ZNF112: variants seen among roughly 807,000 people sequenced by gnomAD.
The protein encoded by ZNF112 is zinc finger protein 112.
ZNF112 carries 37 observed loss-of-function variants against 77.7 expected under a neutral mutation model. The ratio of observed to expected loss-of-function variants is 0.48; its 90% confidence interval spans 0.37 to 0.63. ZNF112 has a LOEUF of 0.63. Among genes scored for constraint, ZNF112 ranks in the 20% least tolerant of loss-of-function variants. The probability of loss-of-function intolerance (pLI) is 0.00; values close to 1 mark genes in which losing one functional copy is unlikely to be tolerated. For synonymous variants in ZNF112, 333 were observed against 363.6 expected (o/e 0.92, Z 0.96); for missense variants, 950 against 1,077.4 (o/e 0.88, Z 1.66).
intron 1 of ZNF112, among the ~76,000 whole-genome samples, chr19:44,351,007 A>G (rs766576837): frequency 1.2e-4 from 19 of 152,096 alleles, no homozygotes; most frequent in Non-Finnish European, 2.8e-4. Flanking sequence ...TCAGAAGTCT[A>G]AAATCAGTTT....
At chr19:44,336,554 G>A in intron 3 of ZNF112, 69 bp downstream of exon 3, 1 of 1,307,514 alleles carries the variant, frequency 7.6e-7, no homozygotes, top group Admixed American at 1.7e-5. Flanking sequence ...AAACAGAGAA[G>A]TGATGTGTTC....
intron 3 of ZNF112, among the ~76,000 whole-genome samples, chr19:44,332,959 T>C (rs551802127): frequency 9.9e-5 from 15 of 152,242 alleles, no homozygotes; most frequent in Non-Finnish European, 1.9e-4. Flanking sequence ...TTAAGTTCTA[T>C]TTCAATATCA....
At chr19:44,338,283 G>T (rs2571102) in intron 2 of ZNF112, among the ~76,000 whole-genome samples, 111,880 of 152,060 alleles carry the variant, frequency 0.74, 41,541 homozygotes, top group African/African-American at 0.83. Flanking sequence ...CTGCTAAATG[G>T]GAAGGAGGTA....
chr19:44,327,448 ATCT>A lies in ZNF112; in HGVS notation c.2706_2708del (p.Glu902del). On this transcript the variant is annotated inframe_deletion, in exon 4 of 4. Transcript: ENST00000354340. ...TTTGAGGACTTCAAAACAAAACAGA[ATCT>A]TCATTTCTGTGTAGATTCTCTGATG... 2 of 1,595,590 alleles carry A rather than the reference ATCT, an allele frequency of 1.3e-6. No individual in the cohort carries two copies. The highest frequency in any genetic ancestry group is 1.7e-6 in the Non-Finnish European group (2 of 1,170,372).
chr19:44,329,236 A>C lies in ZNF112; in HGVS notation c.921T>G (p.Ile307Met), dbSNP rs143275482. Residue 307 changes from isoleucine to methionine, a missense_variant, in exon 4 of 4, where the codon ATT becomes ATG. By Grantham distance (10) the Ile-to-Met change is conservative. Around this residue, in one of 3 missense-constraint regions of ZNF112, gnomAD observed 560 missense variants for 557.3 expected, o/e 1.00. Coordinates refer to ENST00000354340, the MANE Select transcript of ZNF112 (RefSeq NM_013380.4). Reference sequence around the variant, plus strand: ...GATAGGATTTCAGATGTGAATTCTCAATATCATCTTCTCTCTCAATATTTT... The same window carrying C: ...GATAGGATTTCAGATGTGAATTCTCCATATCATCTTCTCTCTCAATATTTT... ...IHQNIEREDD[I>M]ENSHLKSYQR... 2 of 1,613,712 alleles carry C rather than the reference A, an allele frequency of 1.2e-6. No homozygotes were observed. Among genetic ancestry groups the C allele is most frequent in the South Asian group, 2.2e-5 (2 of 91,072 alleles).
intron 1 of ZNF112, among the ~76,000 whole-genome samples, chr19:44,341,743 T>G (rs1970494208): frequency 6.6e-6 from 1 of 152,236 alleles, no homozygotes; most frequent in Admixed American, 6.5e-5. Flanking sequence ...CCATGGACAT[T>G]GTAAATATTT....
At chr19:44,330,225 T>G (rs1970245508) in intron 3 of ZNF112, among the ~76,000 whole-genome samples, 1 of 152,188 alleles carries the variant, frequency 6.6e-6, no homozygotes, top group African/African-American at 2.4e-5. Context: ...GATTTCTGAT[T>G]AGGGATGCTC....
At position 44,328,339 on chromosome 19, in the gene ZNF112, C is replaced by T; in HGVS notation, c.1818G>A (p.Glu606=). 1.9e-6 allele frequency: 3 copies of T among 1,613,870 alleles called. No homozygotes were observed. Among genetic ancestry groups the T allele is most frequent in the Non-Finnish European group, 1.7e-6 (2 of 1,179,962 alleles). ...TCCGACTGAAGCCCTTCCCACACTC[C>T]TCACACTTGTATGGTTTTTCTCCAG... ...VHTGEKPYKC[E]ECGKGFSRSS... The change falls in exon 4 of 4, where the codon GAG becomes GAA. Residue 606 remains glutamate, a synonymous_variant. Transcript: ENST00000354340.
chr19:44,350,954 G>T (rs1379774531), intron 1 of ZNF112, among the ~76,000 whole-genome samples: 1 of 152,032 alleles, frequency 6.6e-6, no homozygotes, highest in Non-Finnish European at 1.5e-5. Context: ...CACAAACTTG[G>T]TGGCTTAAAA....
At chr19:44,335,081 G>C (rs1017821417) in intron 3 of ZNF112, among the ~76,000 whole-genome samples, 2 of 152,236 alleles carry the variant, frequency 1.3e-5, no homozygotes, top group African/African-American at 4.8e-5. Flanking sequence ...ATACCCTGCA[G>C]AGCCACAGAG....
Position 44,327,441 on chromosome 19 carries a change from A to G in ZNF112, c.2716T>C (p.Leu906=). ...ENLHRNEDSV[L]F is the part of the protein sequence containing the mutation. ...GCTCCCATTTGAGGACTTCAAAACAAAACAGAATCTTCATTTCTGTGTAGA... is the reference window on the plus strand; with the variant it reads ...GCTCCCATTTGAGGACTTCAAAACAGAACAGAATCTTCATTTCTGTGTAGA... The change falls in exon 4 of 4, where the codon TTG becomes CTG. Residue 906 remains leucine (L), a synonymous_variant. Transcript: ENST00000354340. The G allele has an allele frequency of 1.3e-6, 2 of 1,592,962 alleles. No individual in the cohort carries two copies. The highest frequency in any genetic ancestry group is 1.7e-6 in the Non-Finnish European group (2 of 1,169,248).
chr19:44,339,388 C>A (rs1330979117), intron 2 of ZNF112, among the ~76,000 whole-genome samples: 1 of 152,194 alleles, frequency 6.6e-6, no homozygotes. Flanking sequence ...GTGGTATTAG[C>A]TTAACCTCTG....
chr19:44,328,730 T>C lies in ZNF112; in HGVS notation c.1427A>G (p.His476Arg), dbSNP rs544240140. 16 of 1,614,058 alleles carry C rather than the reference T, an allele frequency of 9.9e-6. No individual in the cohort carries two copies. The highest frequency in any genetic ancestry group is 1.7e-4 in the Middle Eastern group (1 of 6,058). Residue 476 changes from histidine to arginine, a missense_variant, in exon 4 of 4, where the codon CAT (histidine) becomes CGT (arginine). Transcript: ENST00000354340. ...TGGATGACCTTGAAGATATAAATTA[T>C]GGCTGAAGCTGTTACTACACACATA... ...KRYVCSNSFS[H>R]NLYLQGHPKI... is the part of the protein sequence containing the mutation.
At chr19:44,339,520 G>T (rs1444281737) in intron 2 of ZNF112, among the ~76,000 whole-genome samples, 1 of 152,228 alleles carries the variant, frequency 6.6e-6, no homozygotes, top group Non-Finnish European at 1.5e-5. Flanking sequence ...TGCTCCTTAC[G>T]TATTGTCATA....
intron 3 of ZNF112, among the ~76,000 whole-genome samples, chr19:44,330,252 G>T (rs543240021): frequency 1.3e-5 from 2 of 152,264 alleles, no homozygotes; most frequent in Admixed American, 6.5e-5. Flanking sequence ...TAAGTATAAT[G>T]CAAATACTCT....
chr19:44,335,207 G>C (rs1033003340), intron 3 of ZNF112, among the ~76,000 whole-genome samples: 6 of 152,242 alleles, frequency 3.9e-5, no homozygotes, highest in African/African-American at 1.4e-4. Flanking sequence ...GCCCTGCTGG[G>C]TTTCAGATTG....
chr19:44,340,661 T>C (rs954948537), intron 1 of ZNF112, 119 bp from the exon 2 acceptor site: 10 of 1,407,540 alleles, frequency 7.1e-6, no homozygotes, highest in African/African-American at 1.4e-5. Context: ...CATAGTTCTC[T>C]TCTGTTTACC....
At chr19:44,341,133 G>A (rs149418986) in intron 1 of ZNF112, 17 of 456,582 alleles carry the variant, frequency 3.7e-5, no homozygotes, top group East Asian at 7.0e-5. Context: ...GTAATAAAAT[G>A]AGTGACCACA....
intron 3 of ZNF112, among the ~76,000 whole-genome samples, chr19:44,333,331 A>G (rs1970305050): frequency 6.6e-6 from 1 of 152,236 alleles, no homozygotes; most frequent in Admixed American, 6.5e-5. Context: ...CCAGGCTGAG[A>G]TCACCTTCCG....
Sources: allele counts gnomAD v4.1 joint callset (sites outside exome capture counted in the v4.1 genomes callset), GRCh38; gene constraint gnomAD v4.1.1; regional missense constraint gnomAD v4.1.1; transcripts MANE v1.5; gene names NCBI Gene and HGNC (gene_info 2026-07-23, HGNC 2026-07-21).